The following KIAA0825 variants were observed in gnomAD, a reference collection of about 807,000 sequenced individuals.
KIAA0825 encodes KIAA0825.
A neutral mutation model predicts 147.6 loss-of-function variants in KIAA0825; 119 were observed. The ratio of observed to expected loss-of-function variants is 0.81; its 90% CI spans 0.69 to 0.94. KIAA0825 has a LOEUF of 0.94. KIAA0825 is among the 40% of genes least tolerant of loss of function. The pLI, the probability that KIAA0825 is intolerant of heterozygous loss-of-function variation, is 0.00. For missense variants in KIAA0825, 1,381 were observed against 1,472.7 expected (o/e 0.94, Z 1.02); for synonymous variants, 470 against 518.1 (o/e 0.91, Z 1.26).
At chr5:94,533,362 T>C (rs936753381) in intron 3 of KIAA0825, among the ~76,000 whole-genome samples, 3 of 145,686 alleles carry the variant, frequency 2.1e-5, no homozygotes, top group African/African-American at 7.7e-5. Context: ...CTGCAACCAC[T>C]GCCTCCTGGG....
chr5:94,472,474 G>A (rs745986007), intron 8 of KIAA0825, among the ~76,000 whole-genome samples: 1 of 152,176 alleles, frequency 6.6e-6, no homozygotes, highest in Non-Finnish European at 1.5e-5. Context: ...GGCCGGGCGC[G>A]GTGGCTCACG....
intron 2 of KIAA0825, among the ~76,000 whole-genome samples, chr5:94,574,550 AAAAAAAAAAAAAAAAG>A (rs1780629157): frequency 6.6e-6 from 1 of 150,492 alleles, no homozygotes. Context: ...TCTCAAAAAA[AAAAAAAAAAAAAAAAG>A]AAAAAAAAAG....
At chr5:94,254,332 C>T (rs890766759) in intron 20 of KIAA0825, among the ~76,000 whole-genome samples, 5 of 152,156 alleles carry the variant, frequency 3.3e-5, no homozygotes, top group Non-Finnish European at 4.4e-5. Context: ...ATGAGACCTA[C>T]GTCATTGGTC....
intron 2 of KIAA0825, among the ~76,000 whole-genome samples, chr5:94,537,495 C>G (rs1306718818): frequency 6.6e-6 from 1 of 151,800 alleles, no homozygotes; most frequent in East Asian, 1.9e-4. Context: ...ACTAAATGTA[C>G]AAAAAACTAG....
intron 20 of KIAA0825, among the ~76,000 whole-genome samples, chr5:94,334,356 C>T (rs1321870494): frequency 2.6e-5 from 4 of 152,228 alleles, no homozygotes; most frequent in African/African-American, 4.8e-5. Flanking sequence ...AAACATATCA[C>T]ATAGTTCAAC....
intron 20 of KIAA0825, among the ~76,000 whole-genome samples, chr5:94,383,243 T>G (rs1748667038): frequency 6.6e-6 from 1 of 152,180 alleles, no homozygotes; most frequent in African/African-American, 2.4e-5. Context: ...CTATGATGGG[T>G]GTGTGAGCTT....
At chr5:94,287,441 C>G (rs1777709555) in intron 20 of KIAA0825, among the ~76,000 whole-genome samples, 1 of 152,130 alleles carries the variant, frequency 6.6e-6, no homozygotes. Context: ...TAAAAAGGGG[C>G]AACTACTTCA....
intron 14 of KIAA0825, among the ~76,000 whole-genome samples, chr5:94,439,415 A>T (rs1756781417): frequency 6.6e-6 from 1 of 152,178 alleles, no homozygotes; most frequent in South Asian, 2.1e-4. Context: ...AAAGCATTTA[A>T]AGGGGAAAAA....
chr5:94,550,319 C>T (rs989101609), intron 2 of KIAA0825, among the ~76,000 whole-genome samples: 2 of 152,140 alleles, frequency 1.3e-5, no homozygotes, highest in African/African-American at 2.4e-5. Flanking sequence ...TACTGCACAC[C>T]TTCATCCAAC....
At chr5:94,427,156 A>G (rs1747771896) in intron 14 of KIAA0825, among the ~76,000 whole-genome samples, 1 of 152,192 alleles carries the variant, frequency 6.6e-6, no homozygotes, top group Admixed American at 6.5e-5. Flanking sequence ...CTACTCTGAA[A>G]CCATATGTAA....
At chr5:94,397,144 T>C (rs1333785480) in intron 16 of KIAA0825, among the ~76,000 whole-genome samples, 2 of 152,176 alleles carry the variant, frequency 1.3e-5, no homozygotes, top group African/African-American at 4.8e-5. Context: ...CACCCTCTTC[T>C]AAACTATAAG....
At chr5:94,514,127 A>G (rs1368626838) in intron 5 of KIAA0825, among the ~76,000 whole-genome samples, 2 of 152,154 alleles carry the variant, frequency 1.3e-5, no homozygotes, top group Admixed American at 1.3e-4. Flanking sequence ...TGCTATTGTT[A>G]TTAATTAATT....
rs539950279 is a variant in KIAA0825 at position 94,385,858 on chromosome 5, G to T, written c.3619+384C>A. Among the ~76,000 whole-genome samples, 8 of 152,188 alleles carry T rather than the reference G, an allele frequency of 5.3e-5. No homozygotes were observed. The East Asian group carries it at 1.5e-3, about 29-fold the overall frequency. On this transcript the variant is annotated intron_variant, in intron 19 of 20. Coordinates refer to ENST00000682413, the MANE Select transcript of KIAA0825 (RefSeq NM_001145678.3). ...ATTAATTTTAACTATTTTCTAATTT[G>T]CCTGATAAATTCGTAAAGGTTGCAA... is the stretch of plus-strand genomic sequence containing the variant.
At chr5:94,317,840 A>G (rs1779793101) in intron 20 of KIAA0825, among the ~76,000 whole-genome samples, 1 of 151,948 alleles carries the variant, frequency 6.6e-6, no homozygotes, top group Admixed American at 6.6e-5. Flanking sequence ...TGATTTTATA[A>G]ATTACATTTT....
intron 20 of KIAA0825, among the ~76,000 whole-genome samples, chr5:94,373,172 T>C (rs1746969279): frequency 6.6e-6 from 1 of 152,200 alleles, no homozygotes; most frequent in Non-Finnish European, 1.5e-5. Flanking sequence ...TCCAAGTCTC[T>C]AGGAAGTTCC....
intron 20 of KIAA0825, among the ~76,000 whole-genome samples, chr5:94,238,516 A>G (rs1362728168): frequency 6.6e-6 from 1 of 152,166 alleles, no homozygotes; most frequent in East Asian, 1.9e-4. Context: ...ATAAGTTAAG[A>G]GTTTTGGTTA....
At chr5:94,217,073 G>T (rs1490652812) in intron 20 of KIAA0825, among the ~76,000 whole-genome samples, 2 of 152,028 alleles carry the variant, frequency 1.3e-5, no homozygotes, top group African/African-American at 4.8e-5. Context: ...ACATTTCAAA[G>T]GATTTTTTTC....
intron 20 of KIAA0825, among the ~76,000 whole-genome samples, chr5:94,309,009 A>G (rs974803928): frequency 5.3e-5 from 8 of 151,810 alleles, no homozygotes; most frequent in African/African-American, 1.4e-4. Flanking sequence ...GTCATATTCA[A>G]TTCTCTCTCA....
At chr5:94,472,471 C>T (rs926874379) in intron 8 of KIAA0825, among the ~76,000 whole-genome samples, 2 of 152,118 alleles carry the variant, frequency 1.3e-5, no homozygotes, top group Admixed American at 6.5e-5. Context: ...ATCGGCCGGG[C>T]GCGGTGGCTC....
Sources: allele counts gnomAD v4.1 joint callset (sites outside exome capture counted in the v4.1 genomes callset), GRCh38; gene constraint gnomAD v4.1.1; transcripts MANE v1.5; gene names NCBI Gene and HGNC (gene_info 2026-07-23, HGNC 2026-07-21).